Variants in ARHGEF1 observed in about 807,000 individuals in gnomAD.
ARHGEF1 encodes the protein 115 kDa guanine nucleotide exchange factor.
In ARHGEF1, 40 loss-of-function variants were observed where a neutral mutation model predicts 119.7. The ratio of observed to expected loss-of-function variants is 0.33; its 90% CI spans 0.26 to 0.44. The LOEUF is 0.44. ARHGEF1 is among the 20% of genes least tolerant of loss of function. The pLI, the probability that ARHGEF1 is intolerant of heterozygous loss-of-function variation, is 1.00. For missense variants in ARHGEF1, 976 were observed against 1,268.3 expected (o/e 0.77, Z 3.50); for synonymous variants, 494 against 521.0 (o/e 0.95, Z 0.71).
upstream of ARHGEF1, among the ~76,000 whole-genome samples, chr19:41,921,919 A>C: frequency 2.1e-5 from 3 of 142,574 alleles, no homozygotes; most frequent in African/African-American, 7.9e-5. The surrounding 1 kb of genome is among the most constrained non-coding windows in gnomAD (Gnocchi z 4.4). Context: ...CCCCACCCAG[A>C]CCCCAGCTCC....
chr19:41,918,838 G>A (rs1264877970), upstream of ARHGEF1, among the ~76,000 whole-genome samples: 6 of 135,610 alleles, frequency 4.4e-5, no homozygotes, highest in African/African-American at 1.4e-4. Context: ...CGCCACACAT[G>A]CTACACTACC....
chr19:41,908,265 G>A, downstream of ARHGEF1: 6 of 1,231,656 alleles, frequency 4.9e-6, no homozygotes, highest in African/African-American at 1.5e-5. This position sits in a 1 kb window ranked among gnomAD's most constrained non-coding sequence, Gnocchi z 6.7. Flanking sequence ...CTTTGCCTTG[G>A]GGGGTGCCGG....
upstream of ARHGEF1, among the ~76,000 whole-genome samples, chr19:41,920,123 T>C (rs571127424): frequency 3.3e-5 from 3 of 91,044 alleles, no homozygotes; most frequent in African/African-American, 1.4e-4. Context: ...CATGACACGC[T>C]CACACATGCG....
At chr19:41,909,816 T>C (rs1305714616), downstream of ARHGEF1, 7 of 1,529,266 alleles carry the variant, frequency 4.6e-6, no homozygotes, top group Non-Finnish European at 6.2e-6. The surrounding 1 kb of genome is among the most constrained non-coding windows in gnomAD (Gnocchi z 5.2). Flanking sequence ...AGAGGGACAG[T>C]TGGGGGAAAA....
rs781796661 is a variant in ARHGEF1, at chr19:41,892,140, C to G, written c.324+17C>G. On this transcript the variant is annotated intron_variant, in intron 5 of 28. Coordinates refer to ENST00000354532, the MANE Select transcript of ARHGEF1 (RefSeq NM_004706.4). This position sits in a 1 kb window ranked among gnomAD's most constrained non-coding sequence, Gnocchi z 6.3. ...AAGACAGCGGTGAGAGACCTTCAAGCTGCCCCAACCCTGCAATCCCTGTTT... is the reference window on the plus strand; with the variant it reads ...AAGACAGCGGTGAGAGACCTTCAAGGTGCCCCAACCCTGCAATCCCTGTTT... 6.2e-7 allele frequency: 1 copy of G among 1,607,014 alleles called. No individual in the cohort carries two copies. Among genetic ancestry groups the G allele is most frequent in the Non-Finnish European group, 8.5e-7 (1 of 1,175,180 alleles).
chr19:41,908,037 T>C, downstream of ARHGEF1: 1 of 442,878 alleles, frequency 2.3e-6, no homozygotes, highest in Non-Finnish European at 3.7e-6. The surrounding 1 kb of genome is among the most constrained non-coding windows in gnomAD (Gnocchi z 6.7). Flanking sequence ...GGCCATCACA[T>C]TCCCTCTGTC....
chr19:41,885,865 A>G (rs1286812137), intron 1 of ARHGEF1, among the ~76,000 whole-genome samples: 4 of 152,060 alleles, frequency 2.6e-5, no homozygotes, highest in Non-Finnish European at 5.9e-5. Flanking sequence ...CGATCCTCTC[A>G]TCTTAGCCTC....
rs781947605 is a variant in ARHGEF1, at chr19:41,902,517, C to T, written c.1498-16C>T. On this transcript the variant is annotated splice_polypyrimidine_tract_variant and intron_variant, in intron 16 of 28. Coordinates refer to ENST00000354532, the MANE Select transcript of ARHGEF1 (RefSeq NM_004706.4). The surrounding 1 kb of genome is among the most constrained non-coding windows in gnomAD (Gnocchi z 6.5). ...ATCCCCACTGAGACACCTGCCTGGCCTGAATCTCGCTGTAGTTTGATGGTG... is the reference window on the plus strand; with the variant it reads ...ATCCCCACTGAGACACCTGCCTGGCTTGAATCTCGCTGTAGTTTGATGGTG... 2.5e-6 allele frequency: 4 copies of T among 1,613,978 alleles called. No homozygotes were observed. Among genetic ancestry groups the T allele is most frequent in the Non-Finnish European group, 3.4e-6 (4 of 1,180,028 alleles).
chr19:41,922,841 C>T (rs1568836296), upstream of ARHGEF1, among the ~76,000 whole-genome samples: 2 of 152,218 alleles, frequency 1.3e-5, no homozygotes, highest in Middle Eastern at 3.2e-3. Context: ...AATCCTGGCC[C>T]GCGCACTGCC....
chr19:41,906,414 G>T lies in ARHGEF1; in HGVS notation c.2492-43G>T, dbSNP rs1555850175. 1 of 1,515,986 alleles carries T rather than the reference G, an allele frequency of 6.6e-7. No individual in the cohort carries two copies. The allele number at this position is 1,515,986 out of a possible 1,614,324, so 93.9% of individuals were successfully genotyped here. A position where few individuals can be genotyped will look rare whatever the true frequency, so the allele number is the denominator to read the frequency against. ...ATCCCCCATCCCAGATCCCAGCCCA[G>T]CCCCCTGGTCTCCTGACTCCACCCC... On this transcript the variant is annotated intron_variant, in intron 26 of 28. Transcript: ENST00000354532. This position sits in a 1 kb window ranked among gnomAD's most constrained non-coding sequence, Gnocchi z 4.5.
At position 41,904,274 on chromosome 19, in the gene ARHGEF1, G is replaced by A. The variant is rs11083640; in HGVS notation, c.2052G>A (p.Arg684=). The A allele has an allele frequency of 4.9e-3, 7,909 of 1,612,766 alleles. 290 individuals are homozygous for A. The African/African-American group carries it at 0.086, about 17-fold the overall frequency. The change falls in exon 22 of 29, where the codon CGG becomes CGA. Residue 684 remains arginine (R), a synonymous_variant. Coordinates refer to ENST00000354532, the MANE Select transcript of ARHGEF1 (RefSeq NM_004706.4). This position sits in a 1 kb window ranked among gnomAD's most constrained non-coding sequence, Gnocchi z 8.4. ...TGCTGCTCCAGCGCCAGGACGAGCG[G>A]CTGCTGCTCAAGTCCCATAGCCGGA... ...LLLLLQRQDE[R]LLLKSHSRTL...
intron 8 of ARHGEF1, 88 bp from the exon 9 acceptor site, chr19:41,894,119 A>T (rs1247138622): frequency 3.6e-5 from 29 of 801,876 alleles, no homozygotes; most frequent in Non-Finnish European, 4.5e-5. Flanking sequence ...GGGGAGAGAG[A>T]GAGAGTGTGT....
chr19:41,905,485 G>T lies in ARHGEF1; in HGVS notation c.2336+224G>T. The stretch of plus-strand genomic sequence containing the variant: ...GTGCATGTGTGTGCGTGTATGGTGT[G>T]TGTGTATGCATATGTGTGCATGCGT... On this transcript the variant is annotated intron_variant, in intron 24 of 28. Transcript: ENST00000354532. This position sits in a 1 kb window ranked among gnomAD's most constrained non-coding sequence, Gnocchi z 6.4. 1 of 613,698 alleles carries T rather than the reference G, an allele frequency of 1.6e-6. No homozygotes were observed. Among genetic ancestry groups the T allele is most frequent in the South Asian group, 2.0e-5 (1 of 51,030 alleles). The allele number at this position is 613,698 out of a possible 1,614,324, so 38.0% of individuals were successfully genotyped here. A position where few individuals can be genotyped will look rare whatever the true frequency, so the allele number is the denominator to read the frequency against.
In ARHGEF1 at chr19:41,901,915, G is replaced by C. The variant is rs149426435; in HGVS notation, c.1296G>C (p.Val432=). Residue 432 remains valine (V), a synonymous_variant, in exon 15 of 29, where the codon GTG becomes GTC. Coordinates refer to ENST00000354532, the MANE Select transcript of ARHGEF1 (RefSeq NM_004706.4). The part of the protein sequence containing the change: ...SELLVTEAAH[V]RMLRVLHDLF... ...TGCTGGTGACAGAGGCGGCCCACGT[G>C]CGCATGCTGCGGGTGCTGCACGACC... 33 of 1,612,400 alleles carry C rather than the reference G, an allele frequency of 2.0e-5. No individual in the cohort carries two copies. Among genetic ancestry groups the C allele is most frequent in the Non-Finnish European group, 2.8e-5 (33 of 1,180,026 alleles).
At chr19:41,899,697 C>T (rs1046332021) in intron 14 of ARHGEF1, among the ~76,000 whole-genome samples, 1 of 151,346 alleles carries the variant, frequency 6.6e-6, no homozygotes, top group East Asian at 2.0e-4. Flanking sequence ...TTAGTAGAGA[C>T]GGGGTTTCTC....
At chr19:41,907,472 G>A (rs188225359), downstream of ARHGEF1, 1,561 of 1,445,296 alleles carry the variant, frequency 1.1e-3, 10 homozygotes, top group African/African-American at 0.019. Context: ...GTGTGATGGC[G>A]GGGTGGGGCC....
intron 12 of ARHGEF1, 44 bp from the exon 13 acceptor site, chr19:41,896,333 G>GGTCC: frequency 8.6e-7 from 1 of 1,166,908 alleles, no homozygotes; most frequent in Non-Finnish European, 1.1e-6. Flanking sequence ...GGGTCTCGTG[G>GGTCC]CCGCAGAGGC....
chr19:41,898,026 AGGGCCG>A, intron 13 of ARHGEF1: 2 of 1,332,786 alleles, frequency 1.5e-6, no homozygotes, highest in Non-Finnish European at 1.9e-6. Context: ...CTCGGGGCTA[AGGGCCG>A]GGGTGGGGGC....
chr19:41,898,274 G>T, intron 13 of ARHGEF1, 168 bp from the exon 14 acceptor site: 1 of 1,318,364 alleles, frequency 7.6e-7, no homozygotes, highest in Non-Finnish European at 1.0e-6. Flanking sequence ...TGCTTCTAGA[G>T]ATCTGGGAAC....
Sources: gnomAD v4.1 joint callset for allele counts (sites outside exome capture counted in the v4.1 genomes callset) on GRCh38, gnomAD v4.1.1 for gene constraint, Gnocchi (gnomAD v3.1) non-coding constraint, MANE v1.5 for transcripts, NCBI Gene and HGNC (gene_info 2026-07-23, HGNC 2026-07-21) for gene names.